Variants in GRK5 observed in about 807,000 individuals in gnomAD.
The protein encoded by GRK5 is G protein-coupled receptor kinase 5.
Under a neutral mutation model 78.4 loss-of-function variants are expected in GRK5, and 40 were observed. That is an observed-to-expected ratio of 0.51 (90% CI 0.40 to 0.66). GRK5 has a LOEUF of 0.66. Ranked by LOEUF, GRK5 falls within the 30% of genes least tolerant of loss-of-function variation. The pLI is 0.00. For missense variants in GRK5, 598 were observed against 759.9 expected (o/e 0.79, Z 2.50); for synonymous variants, 289 against 296.8 (o/e 0.97, Z 0.27).
chr10:119,416,742 T>A (rs1172670922), intron 4 of GRK5, among the ~76,000 whole-genome samples: 2 of 152,164 alleles, frequency 1.3e-5, no homozygotes, highest in African/African-American at 4.8e-5. Context: ...TACAGGCGCA[T>A]GCCACCATGC....
chr10:119,419,270 AC>A (rs1852523265), intron 4 of GRK5, among the ~76,000 whole-genome samples: 1 of 152,184 alleles, frequency 6.6e-6, no homozygotes, highest in South Asian at 2.1e-4. Flanking sequence ...TGTTTCTTAC[AC>A]GGTGTATCCG....
At chr10:119,211,868 A>C (rs1848493165) in intron 1 of GRK5, 1 of 152,256 alleles carries the variant, frequency 6.6e-6, no homozygotes, top group Admixed American at 6.5e-5. Flanking sequence ...ATTCCACAGC[A>C]CGGCTGAAAG....
chr10:119,215,084 G>A (rs1438514793), intron 1 of GRK5, among the ~76,000 whole-genome samples: 1 of 152,202 alleles, frequency 6.6e-6, no homozygotes, highest in Non-Finnish European at 1.5e-5. Flanking sequence ...CTGTCACAGG[G>A]AATGACCGAA....
chr10:119,208,080 A>G, intron 1 of GRK5, 111 bp downstream of exon 1: 2 of 1,000,660 alleles, frequency 2.0e-6, no homozygotes, highest in Non-Finnish European at 2.9e-6. Flanking sequence ...GCTGCCGGCG[A>G]GTGGGTCGCG....
intron 1 of GRK5, among the ~76,000 whole-genome samples, chr10:119,319,477 T>C (rs1850548112): frequency 6.6e-6 from 1 of 152,248 alleles, no homozygotes; most frequent in Non-Finnish European, 1.5e-5. Context: ...TTCCCTTGCC[T>C]GGCGGGGCAA....
intron 13 of GRK5, among the ~76,000 whole-genome samples, chr10:119,451,759 C>T (rs1334274806): frequency 6.6e-6 from 1 of 152,204 alleles, no homozygotes; most frequent in East Asian, 1.9e-4. Flanking sequence ...GGGGAGAGTC[C>T]CAGAAAGTGC....
At chr10:119,371,378 A>C (rs989425979) in intron 2 of GRK5, among the ~76,000 whole-genome samples, 1 of 152,244 alleles carries the variant, frequency 6.6e-6, no homozygotes, top group Admixed American at 6.5e-5. Context: ...AAGAGTCCAC[A>C]TACTGCAGGC....
chr10:119,436,602 G>T, intron 8 of GRK5, 49 bp from the exon 9 acceptor site: 1 of 1,569,228 alleles, frequency 6.4e-7, no homozygotes, highest in South Asian at 1.1e-5. Flanking sequence ...AAGTGGAAGT[G>T]AGTGGCCATT....
intron 1 of GRK5, among the ~76,000 whole-genome samples, chr10:119,288,650 C>T (rs544708702): frequency 6.6e-6 from 1 of 152,316 alleles, no homozygotes; most frequent in South Asian, 2.1e-4. Flanking sequence ...TGACCCCACA[C>T]CCTGCGTCTG....
At chr10:119,398,519 G>T (rs191558596) in intron 4 of GRK5, among the ~76,000 whole-genome samples, 2 of 152,160 alleles carry the variant, frequency 1.3e-5, no homozygotes, top group Non-Finnish European at 2.9e-5. Flanking sequence ...ATCTTCCCAC[G>T]GTGGCTCAGC....
At chr10:119,242,338 G>A (rs756428518) in intron 1 of GRK5, among the ~76,000 whole-genome samples, 1 of 151,746 alleles carries the variant, frequency 6.6e-6, no homozygotes, top group South Asian at 2.1e-4. Flanking sequence ...GAATCGGAGC[G>A]GGGGCAGGAA....
chr10:119,388,805 G>C (rs773319354), intron 3 of GRK5, among the ~76,000 whole-genome samples: 1 of 152,240 alleles, frequency 6.6e-6, no homozygotes, highest in Non-Finnish European at 1.5e-5. Flanking sequence ...TCATCTGAAG[G>C]CTTGACCGTA....
intron 3 of GRK5, among the ~76,000 whole-genome samples, chr10:119,382,118 C>A (rs1337834601): frequency 1.3e-5 from 2 of 152,192 alleles, no homozygotes; most frequent in African/African-American, 4.8e-5. Flanking sequence ...CCCTCCTCGT[C>A]CTTCCCCAAC....
At chr10:119,348,977 A>T (rs1427923497) in intron 2 of GRK5, among the ~76,000 whole-genome samples, 1 of 152,200 alleles carries the variant, frequency 6.6e-6, no homozygotes, top group Admixed American at 6.5e-5. Flanking sequence ...AGCAGGAGAC[A>T]TCTTTTTAAG....
intron 2 of GRK5, among the ~76,000 whole-genome samples, chr10:119,330,756 C>T (rs1374221592): frequency 3.9e-5 from 6 of 152,176 alleles, no homozygotes; most frequent in East Asian, 1.9e-4. Flanking sequence ...TGTGATGGCT[C>T]ATGCCTGTAA....
intron 1 of GRK5, 133 bp from the exon 2 acceptor site, chr10:119,326,383 G>A: frequency 1.5e-6 from 1 of 681,452 alleles, no homozygotes; most frequent in Non-Finnish European, 2.6e-6. Context: ...GTCTTGGGCT[G>A]GGGGTGTGTC....
intron 2 of GRK5, among the ~76,000 whole-genome samples, chr10:119,354,983 C>T (rs1481719495): frequency 6.6e-6 from 1 of 151,782 alleles, no homozygotes; most frequent in African/African-American, 2.4e-5. Flanking sequence ...TGCTCGAGTC[C>T]CTGATATAAA....
intron 2 of GRK5, 58 bp from the exon 3 acceptor site, chr10:119,380,757 G>A: frequency 9.3e-7 from 1 of 1,070,004 alleles, no homozygotes; most frequent in Non-Finnish European, 1.4e-6. Flanking sequence ...GGAATGACAG[G>A]AAGGCCCTGC....
intron 1 of GRK5, among the ~76,000 whole-genome samples, chr10:119,229,074 C>T (rs1345150785): frequency 2.0e-5 from 3 of 152,138 alleles, no homozygotes; most frequent in Non-Finnish European, 2.9e-5. Context: ...GATGACATGT[C>T]TTTGTCTTTC....
Sources: allele counts gnomAD v4.1 joint callset (sites outside exome capture counted in the v4.1 genomes callset), GRCh38; gene constraint gnomAD v4.1.1; transcripts MANE v1.5; gene names NCBI Gene and HGNC (gene_info 2026-07-23, HGNC 2026-07-21).